Variants in HDAC9 observed in about 807,000 individuals in gnomAD.
The protein encoded by HDAC9 is histone deacetylase 9.
In HDAC9, 41 loss-of-function variants were observed where a neutral mutation model predicts 139.4. The ratio of observed to expected loss-of-function variants is 0.29; its 90% CI spans 0.23 to 0.38. HDAC9 has a LOEUF of 0.38. Ranked by LOEUF, HDAC9 falls within the 10% of genes least tolerant of loss-of-function variation. The probability of loss-of-function intolerance (pLI) is 1.00; values close to 1 mark genes in which losing one functional copy is unlikely to be tolerated. For missense variants in HDAC9, 1,147 were observed against 1,297.0 expected, an observed-to-expected ratio of 0.88 and a Z score of 1.78; for synonymous variants, 517 against 476.2, an observed-to-expected ratio of 1.09 and a Z score of -1.12.
At chr7:18,686,894 A>G (rs2129094469) in intron 12 of HDAC9, among the ~76,000 whole-genome samples, 1 of 152,016 alleles carries the variant, frequency 6.6e-6, no homozygotes, top group East Asian at 1.9e-4. Context: ...ACACATCAGA[A>G]TGTGCAAGGC....
At chr7:18,669,340 A>T (rs1795525455) in intron 12 of HDAC9, among the ~76,000 whole-genome samples, 1 of 151,858 alleles carries the variant, frequency 6.6e-6, no homozygotes, top group Admixed American at 6.6e-5. Context: ...GTAGAAAGTG[A>T]CAGCACATAA....
chr7:18,627,867 A>G (rs1842116189), intron 6 of HDAC9, among the ~76,000 whole-genome samples: 1 of 152,168 alleles, frequency 6.6e-6, no homozygotes, highest in African/African-American at 2.4e-5. Context: ...CAAAAAAAGT[A>G]GCTTTATTTT....
At chr7:18,870,720 C>G (rs1053707599) in intron 21 of HDAC9, among the ~76,000 whole-genome samples, 2 of 152,126 alleles carry the variant, frequency 1.3e-5, no homozygotes, top group African/African-American at 4.8e-5. Flanking sequence ...GTCACCTAGG[C>G]TGGAGTGCAG....
intron 13 of HDAC9, among the ~76,000 whole-genome samples, chr7:18,734,012 C>T (rs1178142): frequency 0.25 from 37,288 of 151,988 alleles, 4,940 homozygotes; most frequent in East Asian, 0.52. Flanking sequence ...TTTCTACTTA[C>T]GGAAATATCC....
At chr7:18,837,771 C>A (rs764489988) in intron 21 of HDAC9, among the ~76,000 whole-genome samples, 1 of 152,092 alleles carries the variant, frequency 6.6e-6, no homozygotes, top group African/African-American at 2.4e-5. Flanking sequence ...TCTTTGAACA[C>A]AACCATTCCA....
intron 12 of HDAC9, among the ~76,000 whole-genome samples, chr7:18,693,732 A>C (rs1042423062): frequency 2.6e-5 from 4 of 152,170 alleles, no homozygotes; most frequent in Admixed American, 1.3e-4. Context: ...CCAGCCTCTG[A>C]TATCTATTAG....
chr7:18,922,746 T>G (rs1243088566), intron 22 of HDAC9, among the ~76,000 whole-genome samples: 1 of 152,056 alleles, frequency 6.6e-6, no homozygotes, highest in East Asian at 1.9e-4. Flanking sequence ...TGAGTTAGAT[T>G]TAGTTACTAA....
chr7:18,599,522 C>T (rs927068863), intron 6 of HDAC9, among the ~76,000 whole-genome samples: 3 of 152,128 alleles, frequency 2.0e-5, no homozygotes, highest in Admixed American at 2.0e-4. Flanking sequence ...TATAGTTTTG[C>T]CTTCTGCAGA....
chr7:18,326,305 C>T (rs1585187866), intron 1 of HDAC9, among the ~76,000 whole-genome samples: 1 of 152,046 alleles, frequency 6.6e-6, no homozygotes, highest in African/African-American at 2.4e-5. Flanking sequence ...TGAATAAAAG[C>T]ATCTAAAAGA....
At chr7:18,575,602 C>T (rs1196777004) in intron 2 of HDAC9, among the ~76,000 whole-genome samples, 1 of 152,196 alleles carries the variant, frequency 6.6e-6, no homozygotes, top group Non-Finnish European at 1.5e-5. Context: ...TGCAAAATGA[C>T]ACCTTGGGTG....
chr7:18,420,200 G>T (rs932714592), intron 1 of HDAC9, among the ~76,000 whole-genome samples: 7 of 152,182 alleles, frequency 4.6e-5, no homozygotes, highest in South Asian at 2.1e-4. Flanking sequence ...CGTACTATCT[G>T]ATTACCCCAG....
At chr7:18,155,968 G>C (rs1215056362) in intron 1 of HDAC9, among the ~76,000 whole-genome samples, 3 of 152,156 alleles carry the variant, frequency 2.0e-5, no homozygotes, top group Non-Finnish European at 2.9e-5. Context: ...CAGCTTCCCA[G>C]TCCCCAGAAC....
chr7:18,523,528 C>T (rs1042265382), intron 2 of HDAC9, among the ~76,000 whole-genome samples: 1 of 152,116 alleles, frequency 6.6e-6, no homozygotes, highest in Admixed American at 6.5e-5. Context: ...TCTTATGTGC[C>T]AGACATTATC....
At chr7:18,896,823 C>A (rs1030867132) in intron 22 of HDAC9, among the ~76,000 whole-genome samples, 1 of 151,968 alleles carries the variant, frequency 6.6e-6, no homozygotes, top group Non-Finnish European at 1.5e-5. Context: ...TGTCTCAGAC[C>A]CAATTCCTTC....
intron 22 of HDAC9, among the ~76,000 whole-genome samples, chr7:18,919,682 A>G (rs1285680170): frequency 6.6e-6 from 1 of 152,040 alleles, no homozygotes; most frequent in South Asian, 2.1e-4. Context: ...TCCACCTCCT[A>G]TACAATTTCA....
intron 23 of HDAC9, among the ~76,000 whole-genome samples, chr7:18,948,433 A>G (rs1782557154): frequency 6.6e-6 from 1 of 152,086 alleles, no homozygotes; most frequent in Non-Finnish European, 1.5e-5. Flanking sequence ...AAAATTAATT[A>G]TATATCTATA....
chr7:18,773,403 ACACACAC>A, intron 16 of HDAC9, among the ~76,000 whole-genome samples: 1 of 142,010 alleles, frequency 7.0e-6, no homozygotes, highest in African/African-American at 2.5e-5. Context: ...ACACACACAC[ACACACAC>A]AAAAGCACCT....
chr7:18,920,015 T>G (rs1803552146), intron 22 of HDAC9, among the ~76,000 whole-genome samples: 1 of 152,110 alleles, frequency 6.6e-6, no homozygotes, highest in African/African-American at 2.4e-5. Context: ...TTAACGTGGT[T>G]TTTTCCAATT....
chr7:18,164,584 G>A (rs1049733304), intron 2 of HDAC9, among the ~76,000 whole-genome samples: 1 of 152,096 alleles, frequency 6.6e-6, no homozygotes, highest in African/African-American at 2.4e-5. Flanking sequence ...GACTGAGTAT[G>A]TTTGTCTTCA....
Sources: allele counts gnomAD v4.1 joint callset (sites outside exome capture counted in the v4.1 genomes callset), GRCh38; gene constraint gnomAD v4.1.1; transcripts MANE v1.5; gene names NCBI Gene and HGNC (gene_info 2026-07-23, HGNC 2026-07-21).